The following SPATA31H1 variants were observed in gnomAD, a reference collection of about 807,000 sequenced individuals.
SPATA31H1 encodes the protein SPATA31 subfamily H member 1, also known as spermatogenesis-associated protein 31H1.
chr2:27,576,986 G>A, the SPATA31H1 span: 11 of 1,613,916 alleles, frequency 6.8e-6, no homozygotes, highest in Non-Finnish European at 9.3e-6. Context: ...TGATCCCACA[G>A]CCAAAGTATC....
At chr2:27,545,584 T>TC in the SPATA31H1 span, among the ~76,000 whole-genome samples, 2 of 151,180 alleles carry the variant, frequency 1.3e-5, no homozygotes, top group African/African-American at 2.4e-5. Context: ...TTTTTCTTTT[T>TC]TTTTTTTTTG....
chr2:27,573,576 T>C, the SPATA31H1 span: 1 of 398,410 alleles, frequency 2.5e-6, no homozygotes, highest in Non-Finnish European at 4.4e-6. Flanking sequence ...TGGGCTACAG[T>C]TGAGAACTGT....
the SPATA31H1 span, among the ~76,000 whole-genome samples, chr2:27,540,675 G>A: frequency 2.8e-5 from 4 of 141,536 alleles, no homozygotes; most frequent in Non-Finnish European, 6.2e-5. Context: ...TCTCAGACGG[G>A]GCGGCCGGGC....
the SPATA31H1 span, among the ~76,000 whole-genome samples, chr2:27,558,745 C>A: frequency 5.1e-5 from 4 of 78,054 alleles, no homozygotes; most frequent in East Asian, 3.4e-4. Flanking sequence ...CCAAAAAAAA[C>A]CGAAAACCAG....
the SPATA31H1 span, among the ~76,000 whole-genome samples, chr2:27,559,038 C>T: frequency 3.9e-5 from 6 of 151,972 alleles, no homozygotes; most frequent in Non-Finnish European, 8.8e-5. Context: ...TTTTTATTCC[C>T]CATGTTTATC....
At chr2:27,549,411 C>T in the SPATA31H1 span, among the ~76,000 whole-genome samples, 1 of 151,688 alleles carries the variant, frequency 6.6e-6, no homozygotes, top group Middle Eastern at 3.4e-3. Context: ...CAATCATAGT[C>T]ACTGCAGCCT....
chr2:27,581,499 CAGAGAAGACATCACAGTCCCTCAG>C, the SPATA31H1 span: 3 of 1,572,298 alleles, frequency 1.9e-6, no homozygotes, highest in East Asian at 6.8e-5. Flanking sequence ...CGGTCCCTCT[CAGAGAAGACATCACAGTCCCTCAG>C]AGAGAAGCCA....
chr2:27,576,818 G>A, the SPATA31H1 span: 1 of 1,614,126 alleles, frequency 6.2e-7, no homozygotes, highest in Non-Finnish European at 8.5e-7. Flanking sequence ...TATCTTCAGT[G>A]TCTCTGCAGC....
At chr2:27,547,521 A>G in the SPATA31H1 span, among the ~76,000 whole-genome samples, 4 of 151,916 alleles carry the variant, frequency 2.6e-5, no homozygotes, top group Non-Finnish European at 5.9e-5. Flanking sequence ...GGTCATTGAC[A>G]TTTCCATATA....
the SPATA31H1 span, chr2:27,578,673 G>A: frequency 6.2e-7 from 1 of 1,614,142 alleles, no homozygotes; most frequent in South Asian, 1.1e-5. Context: ...TATGGAAACT[G>A]AGGATTTGAA....
chr2:27,552,081 TG>T, the SPATA31H1 span, among the ~76,000 whole-genome samples: 2 of 152,170 alleles, frequency 1.3e-5, no homozygotes, highest in East Asian at 3.9e-4. Flanking sequence ...CCCAAAGTGC[TG>T]GGATTACAGG....
chr2:27,541,437 G>C, the SPATA31H1 span, among the ~76,000 whole-genome samples: 4 of 151,882 alleles, frequency 2.6e-5, no homozygotes, highest in Admixed American at 2.6e-4. Context: ...AGAGGGAGAG[G>C]GAGAGACACC....
chr2:27,572,798 A>G, the SPATA31H1 span: 1 of 398,112 alleles, frequency 2.5e-6, no homozygotes, highest in Admixed American at 4.4e-5. Context: ...GTGTAAAGTC[A>G]TCTCAACTGA....
At chr2:27,551,960 C>A in the SPATA31H1 span, among the ~76,000 whole-genome samples, 1 of 151,846 alleles carries the variant, frequency 6.6e-6, no homozygotes, top group African/African-American at 2.4e-5. Flanking sequence ...GGACTACAGG[C>A]GTGCACCACC....
chr2:27,581,255 C>G, the SPATA31H1 span: 3 of 1,614,236 alleles, frequency 1.9e-6, no homozygotes, highest in East Asian at 6.7e-5. Flanking sequence ...GTCATAACCC[C>G]TCTTGGAGAA....
chr2:27,539,749 AC>A, the SPATA31H1 span, among the ~76,000 whole-genome samples: 2 of 31,070 alleles, frequency 6.4e-5, no homozygotes, highest in African/African-American at 3.3e-4. Context: ...CGGGGGGCTG[AC>A]CCCCCCCGCC....
chr2:27,579,466 T>G, the SPATA31H1 span: 9 of 1,614,116 alleles, frequency 5.6e-6, 1 homozygote, highest in South Asian at 9.9e-5. Context: ...AGACATACTT[T>G]TTATCATGGT....
At chr2:27,582,629 A>C in the SPATA31H1 span, 1 of 1,207,520 alleles carries the variant, frequency 8.3e-7, no homozygotes, top group Non-Finnish European at 1.2e-6. Context: ...CTGCGCCCCC[A>C]GCGTGGAAAG....
At chr2:27,569,127 AT>A in the SPATA31H1 span, 1 of 398,874 alleles carries the variant, frequency 2.5e-6, no homozygotes, top group Non-Finnish European at 4.4e-6. Flanking sequence ...TCTCAAGACA[AT>A]GCACCAACTT....
Sources: allele counts gnomAD v4.1 joint callset (sites outside exome capture counted in the v4.1 genomes callset), GRCh38; gene constraint gnomAD v4.1.1; transcripts MANE v1.5; gene names NCBI Gene and HGNC (gene_info 2026-07-23, HGNC 2026-07-21).